Variants in CREB5 observed in about 807,000 individuals in gnomAD.
CREB5 encodes the protein cAMP responsive element binding protein 5, also known as cyclic AMP-responsive element-binding protein 5.
A neutral mutation model predicts 57.1 loss-of-function variants in CREB5; 19 were observed. That is an observed-to-expected ratio of 0.33 (90% CI 0.23 to 0.49). The LOEUF (loss-of-function observed/expected upper bound fraction) is 0.49, where lower values mean the gene tolerates loss of function less well. Among genes scored for constraint, CREB5 ranks in the 20% least tolerant of loss-of-function variants. The pLI is 0.99. For missense variants in CREB5, 579 were observed against 671.6 expected (o/e 0.86, Z 1.52); for synonymous variants, 238 against 238.3 (o/e 1.00, Z 0.01).
intron 7 of CREB5, among the ~76,000 whole-genome samples, chr7:28,793,049 G>A (rs1303575405): frequency 2.0e-5 from 3 of 152,140 alleles, no homozygotes; most frequent in Non-Finnish European, 2.9e-5. Flanking sequence ...AGTAAGGCAG[G>A]TGCTTAAGAA....
At position 28,819,096 on chromosome 7, in the gene CREB5, G is replaced by A. The variant is rs1285047070; in HGVS notation, c.1364-20G>A. ...TGGTGTGTGTGTATGTGTGTGTGTT[G>A]TCTTTTTTTTTCTCCCTAGGTCCAG... On this transcript the variant is annotated intron_variant, in intron 10 of 10. Transcript: ENST00000357727. 1 of 1,608,080 alleles carries A rather than the reference G, an allele frequency of 6.2e-7. No individual in the cohort carries two copies. The highest frequency in any genetic ancestry group is 1.3e-5 in the African/African-American group (1 of 74,746).
chr7:28,467,009 A>G (rs1790606950), intron 1 of CREB5, among the ~76,000 whole-genome samples: 1 of 152,204 alleles, frequency 6.6e-6, no homozygotes, highest in Non-Finnish European at 1.5e-5. Context: ...CTGAGCCTGG[A>G]GGGACAGGGG....
At chr7:28,807,373 T>C (rs1808795569) in intron 8 of CREB5, among the ~76,000 whole-genome samples, 1 of 152,172 alleles carries the variant, frequency 6.6e-6, no homozygotes, top group Admixed American at 6.6e-5. Context: ...CGCTTGAACC[T>C]GGGCAGCAAA....
chr7:28,736,777 A>G (rs1195691694), intron 7 of CREB5, among the ~76,000 whole-genome samples: 3 of 151,228 alleles, frequency 2.0e-5, no homozygotes, highest in African/African-American at 7.3e-5. Flanking sequence ...TAGCCAGCAA[A>G]TATTTATTAT....
chr7:28,329,284 A>C (rs955797876), intron 1 of CREB5, among the ~76,000 whole-genome samples: 1 of 152,226 alleles, frequency 6.6e-6, no homozygotes, highest in African/African-American at 2.4e-5. Context: ...CATGCGCTTC[A>C]TCACTACAGA....
chr7:28,528,579 C>A (rs11773856), intron 4 of CREB5, among the ~76,000 whole-genome samples: 1 of 151,868 alleles, frequency 6.6e-6, no homozygotes, highest in Non-Finnish European at 1.5e-5. Context: ...TGGCACATGC[C>A]TGTAATCCCA....
chr7:28,608,718 A>G (rs113217312), intron 5 of CREB5, among the ~76,000 whole-genome samples: 14 of 152,216 alleles, frequency 9.2e-5, no homozygotes, highest in African/African-American at 3.4e-4. Flanking sequence ...ATACAAAACC[A>G]GGACACTGAA....
intron 4 of CREB5, among the ~76,000 whole-genome samples, chr7:28,569,823 T>G (rs752605756): frequency 6.6e-6 from 1 of 152,216 alleles, no homozygotes; most frequent in Non-Finnish European, 1.5e-5. Flanking sequence ...TGTATTCCAA[T>G]CACGCATCCT....
chr7:28,355,782 T>C (rs2127991292), intron 1 of CREB5, among the ~76,000 whole-genome samples: 1 of 152,296 alleles, frequency 6.6e-6, no homozygotes, highest in South Asian at 2.1e-4. Context: ...TATTGAAAAG[T>C]ACAGGAATAA....
intron 1 of CREB5, among the ~76,000 whole-genome samples, chr7:28,430,842 T>C (rs1788681950): frequency 6.6e-6 from 1 of 152,170 alleles, no homozygotes; most frequent in Non-Finnish European, 1.5e-5. Context: ...GTGTCTCTGC[T>C]CTGGATCTGT....
intron 1 of CREB5, among the ~76,000 whole-genome samples, chr7:28,484,683 T>C (rs115259195): frequency 9.1e-4 from 139 of 152,356 alleles, no homozygotes; most frequent in African/African-American, 3.2e-3. Flanking sequence ...CAGACTCACT[T>C]ATGTTGTAAA....
At chr7:28,706,659 TA>T (rs1486570033) in intron 5 of CREB5, among the ~76,000 whole-genome samples, 1 of 152,126 alleles carries the variant, frequency 6.6e-6, no homozygotes, top group Non-Finnish European at 1.5e-5. Flanking sequence ...ACTATTTTAC[TA>T]AGTGTTTCAG....
intron 5 of CREB5, among the ~76,000 whole-genome samples, chr7:28,690,493 C>T (rs1355420200): frequency 6.6e-6 from 1 of 152,320 alleles, no homozygotes; most frequent in East Asian, 1.9e-4. Flanking sequence ...CTGAAAAGAG[C>T]ATGGCCTTTG....
At chr7:28,348,397 G>GTC (rs369766128) in intron 1 of CREB5, among the ~76,000 whole-genome samples, 16,507 of 143,268 alleles carry the variant, frequency 0.12, 1,047 homozygotes, top group Middle Eastern at 0.19. Flanking sequence ...CTCTCTCTCT[G>GTC]TCTCTCTCTC....
At position 28,694,343 on chromosome 7, in the gene CREB5, T is replaced by C. The variant is rs749350504; in HGVS notation, c.465-24410T>C. Among the ~76,000 whole-genome samples, 3 of 152,314 alleles carry C rather than the reference T, an allele frequency of 2.0e-5. No homozygotes were observed. The South Asian group carries it at 6.2e-4, about 32-fold the overall frequency. ...TCACCAGCATCCACCCTAATATGGA[T>C]CATGCAGTGGCCTCTCTATAGCCAG... On this transcript the variant is annotated intron_variant, in intron 5 of 10. Transcript: ENST00000357727.
intron 5 of CREB5, among the ~76,000 whole-genome samples, chr7:28,581,755 G>A (rs1458887206): frequency 3.9e-5 from 6 of 152,202 alleles, no homozygotes; most frequent in South Asian, 2.1e-4. Flanking sequence ...GTCAAGCATC[G>A]CAAAGCCAAC....
intron 1 of CREB5, among the ~76,000 whole-genome samples, chr7:28,334,484 A>G (rs894848557): frequency 3.3e-5 from 5 of 152,072 alleles, no homozygotes; most frequent in Non-Finnish European, 7.4e-5. Context: ...GCTGTTTGCC[A>G]TTTGTATGTC....
intron 1 of CREB5, among the ~76,000 whole-genome samples, chr7:28,351,694 A>T (rs921982436): frequency 2.0e-5 from 3 of 152,296 alleles, no homozygotes; most frequent in Non-Finnish European, 4.4e-5. Context: ...CACGAAGCTG[A>T]ATTTCCTATG....
rs1163533868 is a variant in CREB5 at position 28,494,981 on chromosome 7, A to G, written c.151A>G (p.Thr51Ala). 3 of 1,607,944 alleles carry G rather than the reference A, an allele frequency of 1.9e-6. No individual in the cohort carries two copies. Among genetic ancestry groups the G allele is most frequent in the Non-Finnish European group, 2.5e-6 (3 of 1,178,486 alleles). ...GACTTTGAAGTTTCCTTCAATAAAA[A>G]CAGACAATATGTTATCAGGTAAGGA... ...EMTLKFPSIK[T>A]DNMLSDQTPT... is the part of the protein sequence containing the mutation. Residue 51 changes from threonine (T) to alanine (A), a missense_variant, in exon 3 of 11, where the codon ACA becomes GCA. By Grantham distance (58) the Thr-to-Ala change is moderately conservative. Coordinates refer to ENST00000357727, the MANE Select transcript of CREB5 (RefSeq NM_182898.4).
Sources: allele counts gnomAD v4.1 joint callset (sites outside exome capture counted in the v4.1 genomes callset), GRCh38; gene constraint gnomAD v4.1.1; transcripts MANE v1.5; gene names NCBI Gene and HGNC (gene_info 2026-07-23, HGNC 2026-07-21).